Variants in APP observed in about 807,000 individuals in gnomAD.
APP encodes the protein amyloid-beta precursor protein.
Under a neutral mutation model 101.4 loss-of-function variants are expected in APP, and 31 were observed. The ratio of observed to expected loss-of-function variants is 0.31; its 90% CI spans 0.23 to 0.41. APP has a LOEUF of 0.41. Ranked by LOEUF, APP falls within the 10% of genes least tolerant of loss-of-function variation. The probability of loss-of-function intolerance (pLI) is 1.00; values close to 1 mark genes in which losing one functional copy is unlikely to be tolerated. For synonymous variants in APP, 366 were observed against 364.4 expected (o/e 1.00, Z -0.05); for missense variants, 839 against 1,003.7 (o/e 0.84, Z 2.22).
At chr21:25,945,306 G>C (rs2040760111) in intron 13 of APP, among the ~76,000 whole-genome samples, 1 of 146,284 alleles carries the variant, frequency 6.8e-6, no homozygotes, top group Admixed American at 7.0e-5. Flanking sequence ...GTAGATAAAA[G>C]TGTTGTTTAA....
Position 25,928,071 on chromosome 21 carries a change from G to A in APP, c.1688-16109C>T, listed in dbSNP as rs1040642799. Among the ~76,000 whole-genome samples, 9 of 152,178 alleles carry A rather than the reference G, an allele frequency of 5.9e-5. 1 individual carries two copies. Among genetic ancestry groups the A allele is most frequent in the Non-Finnish European group, 1.0e-4 (7 of 68,044 alleles). On this transcript the variant is annotated intron_variant, in intron 13 of 17. Coordinates refer to ENST00000346798, the MANE Select transcript of APP (RefSeq NM_000484.4). ...CTAAAAAACAACTTTATGGCCAGGC[G>A]CGGTGGCTCACGCCTGTAATCCCAG...
chr21:26,040,150 G>A (rs920997071), intron 5 of APP, among the ~76,000 whole-genome samples: 6 of 152,096 alleles, frequency 3.9e-5, no homozygotes, highest in African/African-American at 1.4e-4. Context: ...GTTTCAGAAA[G>A]GAAGTTTGTA....
intron 2 of APP, among the ~76,000 whole-genome samples, chr21:26,098,990 A>G (rs2062003809): frequency 6.6e-6 from 1 of 152,194 alleles, no homozygotes; most frequent in South Asian, 2.1e-4. Context: ...AACAAGACTG[A>G]CTAGATTTGA....
chr21:25,998,813 A>G (rs149708559), intron 7 of APP, among the ~76,000 whole-genome samples: 1 of 152,324 alleles, frequency 6.6e-6, no homozygotes, highest in African/African-American at 2.4e-5. Flanking sequence ...TAAATAAATA[A>G]ATAAGCACAA....
At position 26,163,867 on chromosome 21, in the gene APP, A is replaced by T. The variant is rs185185343; in HGVS notation, c.57+6697T>A. ...TTTTGAGCAACATATGCTGATTTTT[A>T]AAAAAAATATATAATTTCAATTAAA... On this transcript the variant is annotated intron_variant, in intron 1 of 17. Transcript: ENST00000346798. 9.2e-4 allele frequency among the ~76,000 whole-genome samples: 140 copies of T among 151,508 alleles called. 1 individual carries two copies. The highest frequency in any genetic ancestry group is 2.3e-3 in the African/African-American group (95 of 40,922).
intron 6 of APP, 134 bp downstream of exon 6, chr21:26,021,706 A>T: frequency 7.6e-7 from 1 of 1,309,386 alleles, no homozygotes; most frequent in Non-Finnish European, 1.0e-6. Context: ...TTTCACAAGC[A>T]TAAGAAGCCT....
At chr21:25,899,466 ACTTC>A (rs2038295528) in intron 15 of APP, among the ~76,000 whole-genome samples, 1 of 152,108 alleles carries the variant, frequency 6.6e-6, no homozygotes, top group Non-Finnish European at 1.5e-5. Flanking sequence ...AGGCACTAAA[ACTTC>A]CTTAATCTCT....
intron 3 of APP, among the ~76,000 whole-genome samples, chr21:26,061,086 A>C (rs1451282260): frequency 6.6e-6 from 1 of 152,200 alleles, no homozygotes; most frequent in African/African-American, 2.4e-5. Flanking sequence ...GGGAGATGAC[A>C]ATGACTTGGA....
chr21:26,000,226 C>T, intron 6 of APP, 44 bp from the exon 7 acceptor site: 1 of 1,607,604 alleles, frequency 6.2e-7, no homozygotes, highest in Non-Finnish European at 8.5e-7. Context: ...CATGAAAAGG[C>T]ACTGTCTCTC....
At chr21:25,920,241 A>G (rs1319073836) in intron 13 of APP, among the ~76,000 whole-genome samples, 1 of 152,170 alleles carries the variant, frequency 6.6e-6, no homozygotes, top group African/African-American at 2.4e-5. Context: ...TAAACATGCA[A>G]AGGAACAACC....
chr21:25,974,063 C>T (rs1235034182), intron 11 of APP, among the ~76,000 whole-genome samples: 1 of 151,842 alleles, frequency 6.6e-6, no homozygotes, highest in African/African-American at 2.4e-5. Context: ...TATGCCTGTA[C>T]CACTCAACAT....
intron 8 of APP, among the ~76,000 whole-genome samples, chr21:25,987,770 T>G (rs2042692856): frequency 6.6e-6 from 1 of 152,210 alleles, no homozygotes; most frequent in Non-Finnish European, 1.5e-5. Flanking sequence ...CAAACTATCC[T>G]GCCTTTAGTG....
chr21:26,105,687 G>T (rs1428824846), intron 2 of APP, among the ~76,000 whole-genome samples: 1 of 152,166 alleles, frequency 6.6e-6, no homozygotes, highest in Non-Finnish European at 1.5e-5. Context: ...GAATGTTCTA[G>T]AGAATTCAAG....
chr21:25,911,019 C>T (rs867276322), intron 14 of APP, among the ~76,000 whole-genome samples: 7 of 152,272 alleles, frequency 4.6e-5, no homozygotes, highest in African/African-American at 7.2e-5. Flanking sequence ...TAGGTCATTA[C>T]GTCATAAACA....
chr21:25,914,948 C>G lies in APP; in HGVS notation c.1688-2986G>C, dbSNP rs559524223. On this transcript the variant is annotated intron_variant, in intron 13 of 17. Coordinates refer to ENST00000346798, the MANE Select transcript of APP (RefSeq NM_000484.4). ...GTATCATGATAACAGCACAAACCGA[C>G]TGAGACAATGGTCTCCCTGCTGGTT... Among the ~76,000 whole-genome samples the G allele has an allele frequency of 3.3e-5, 5 of 152,318 alleles. No individual in the cohort carries two copies. In the East Asian group the frequency reaches 7.7e-4, roughly 24 times the overall value.
intron 17 of APP, among the ~76,000 whole-genome samples, chr21:25,887,168 A>G (rs922386804): frequency 1.3e-5 from 2 of 152,220 alleles, no homozygotes; most frequent in African/African-American, 4.8e-5. Flanking sequence ...AGAGTAGCAG[A>G]AAGAGCTACA....
chr21:26,084,521 G>A (rs1237763495), intron 3 of APP, among the ~76,000 whole-genome samples: 1 of 118 alleles, frequency 8.5e-3, no homozygotes, highest in African/African-American at 0.042. Context: ...TTACAGGCGT[G>A]AGCACCGCGC....
intron 1 of APP, among the ~76,000 whole-genome samples, chr21:26,130,453 C>G (rs563353260): frequency 1.3e-5 from 2 of 152,230 alleles, no homozygotes; most frequent in African/African-American, 4.8e-5. Flanking sequence ...AGGCCACTCT[C>G]CATAAGGAGA....
chr21:26,094,379 C>T (rs1205984920), intron 2 of APP, among the ~76,000 whole-genome samples: 1 of 152,036 alleles, frequency 6.6e-6, no homozygotes, highest in East Asian at 1.9e-4. Flanking sequence ...GCAACTGCCA[C>T]ATGCACAGCC....
Sources: allele counts gnomAD v4.1 joint callset (sites outside exome capture counted in the v4.1 genomes callset), GRCh38; gene constraint gnomAD v4.1.1; transcripts MANE v1.5; gene names NCBI Gene and HGNC (gene_info 2026-07-23, HGNC 2026-07-21).